The following MAP4K3 variants were observed in gnomAD, a reference collection of about 807,000 sequenced individuals.
MAP4K3 encodes mitogen-activated protein kinase kinase kinase kinase 3.
MAP4K3 carries 94 observed loss-of-function variants against 143.5 expected under a neutral mutation model. The observed-to-expected ratio is 0.65, with a 90% CI of 0.55 to 0.78. The LOEUF is 0.78. MAP4K3 is among the 30% of genes least tolerant of loss of function. The probability of loss-of-function intolerance (pLI) is 0.00; values close to 1 mark genes in which losing one functional copy is unlikely to be tolerated. For missense variants in MAP4K3, 1,077 were observed against 1,068.1 expected (o/e 1.01, Z -0.12); for synonymous variants, 416 against 347.2 (o/e 1.20, Z -2.20).
At chr2:39,300,274 G>C (rs1209811741) in intron 15 of MAP4K3, among the ~76,000 whole-genome samples, 2 of 152,150 alleles carry the variant, frequency 1.3e-5, no homozygotes, top group Non-Finnish European at 1.5e-5. Context: ...ATATGAAATT[G>C]GGTGCTATTT....
At position 39,403,691 on chromosome 2, in the gene MAP4K3, T is replaced by G. The variant is rs568311728; in HGVS notation, c.97-25568A>C. Among the ~76,000 whole-genome samples, 6 of 152,054 alleles carry G rather than the reference T, an allele frequency of 3.9e-5. No homozygotes were observed. The East Asian group carries it at 1.2e-3, about 30-fold the overall frequency. On this transcript the variant is annotated intron_variant, in intron 1 of 33. Transcript: ENST00000263881. ...GGACTGCAACTCTTAGGCAAAGTCG[T>G]AGGGCTGAGTGGGGCTTGGAGCCAG...
chr2:39,308,888 T>C (rs72801440), intron 14 of MAP4K3, among the ~76,000 whole-genome samples: 2,233 of 152,100 alleles, frequency 0.015, 29 homozygotes, highest in Non-Finnish European at 0.023. Flanking sequence ...TCTACTCTAA[T>C]GTTTGGAAAC....
intron 2 of MAP4K3, among the ~76,000 whole-genome samples, chr2:39,370,461 A>T (rs939972724): frequency 3.3e-5 from 5 of 152,230 alleles, no homozygotes; most frequent in Non-Finnish European, 7.3e-5. Context: ...ATGAAAGATA[A>T]GGAGGCAGAA....
chr2:39,342,965 A>T (rs1207844869), intron 4 of MAP4K3, among the ~76,000 whole-genome samples: 7 of 152,214 alleles, frequency 4.6e-5, no homozygotes, highest in African/African-American at 1.7e-4. Flanking sequence ...TCATTTTTGA[A>T]TCCCTCGGAA....
At chr2:39,429,856 G>C (rs1345052605) in intron 1 of MAP4K3, among the ~76,000 whole-genome samples, 1 of 152,170 alleles carries the variant, frequency 6.6e-6, no homozygotes, top group Non-Finnish European at 1.5e-5. Context: ...AGGTATTGGT[G>C]AAAGTATAGA....
intron 15 of MAP4K3, among the ~76,000 whole-genome samples, chr2:39,306,235 C>T (rs1228798062): frequency 6.6e-6 from 1 of 152,158 alleles, no homozygotes; most frequent in Non-Finnish European, 1.5e-5. Flanking sequence ...ATTGTGTTGT[C>T]TTTATTTCTG....
In MAP4K3 at chr2:39,258,568, A is replaced by G. The variant is rs1342638208; in HGVS notation, c.2328T>C (p.Val776=). 1.9e-6 allele frequency: 3 copies of G among 1,613,630 alleles called. No individual in the cohort carries two copies. Among genetic ancestry groups the G allele is most frequent in the Non-Finnish European group, 2.5e-6 (3 of 1,179,492 alleles). Residue 776 remains valine, a synonymous_variant, in exon 30 of 34, where the codon GTT becomes GTC. Transcript: ENST00000263881. Reference sequence around the variant, plus strand: ...CTCTCTCCAGTTGGGTTACATGAGTAACATTTGTCTGTGGGGTATCTACAA... The same window carrying G: ...CTCTCTCCAGTTGGGTTACATGAGTGACATTTGTCTGTGGGGTATCTACAA... The part of the protein sequence containing the change: ...FTESDTPQTN[V]THVTQLERDT...
chr2:39,272,532 C>T lies in MAP4K3; in HGVS notation c.1805G>A (p.Arg602Gln), dbSNP rs781301191. ...HETSMEQLFP[R>Q]RCTWLYVMNN... is the part of the protein sequence containing the mutation. ...CATTACATACAACCATGTACACCTT[C>T]GAGGGAATAGCTGATTAAAAAAAGG... Residue 602 changes from arginine (R) to glutamine (Q), a missense_variant, in exon 25 of 34, where the codon CGA becomes CAA. Physicochemically the swap from Arg to Gln is conservative, Grantham distance 43. Transcript: ENST00000263881. 28 of 1,612,796 alleles carry T rather than the reference C, an allele frequency of 1.7e-5. No individual in the cohort carries two copies. The highest frequency in any genetic ancestry group is 1.1e-4 in the East Asian group (5 of 44,764).
intron 3 of MAP4K3, among the ~76,000 whole-genome samples, chr2:39,353,143 T>C (rs997449806): frequency 2.0e-5 from 3 of 152,200 alleles, no homozygotes; most frequent in Admixed American, 6.5e-5. Context: ...TAATGAGACG[T>C]TGGATAGACT....
chr2:39,281,185 TA>T (rs1386360171), intron 22 of MAP4K3, among the ~76,000 whole-genome samples: 2 of 152,210 alleles, frequency 1.3e-5, no homozygotes, highest in African/African-American at 4.8e-5. Context: ...CATGTTGGCC[TA>T]AATTAAAAGA....
intron 2 of MAP4K3, among the ~76,000 whole-genome samples, chr2:39,363,485 T>C (rs1426278085): frequency 6.6e-6 from 1 of 152,074 alleles, no homozygotes. Flanking sequence ...CTGGCCAACA[T>C]GGCAAAGCCC....
chr2:39,309,548 ATTTTTTTTTTTTTTTTTTTTTTTTT>A lies in MAP4K3; in HGVS notation c.998-54_998-30del, dbSNP rs749101883. 1.7e-5 allele frequency: 5 copies of A among 294,904 alleles called. No homozygotes were observed. The African/African-American group carries it at 2.2e-4, about 13-fold the overall frequency. The allele number at this position is 294,904 out of a possible 1,614,324, so 18.3% of individuals were successfully genotyped here. ...AAAAAGAAAAAAAAGTAAAACCAGG[ATTTTTTTTTTTTTTTTTTTTTTTTT>A]TTGAGGCAGAGTCTTGCTCTGTCTC... On this transcript the variant is annotated intron_variant, in intron 13 of 33. Coordinates refer to ENST00000263881, the MANE Select transcript of MAP4K3 (RefSeq NM_003618.4).
chr2:39,325,938 CT>C lies in MAP4K3; in HGVS notation c.685del (p.Ser229AlafsTer8), dbSNP rs34876626. On this transcript the variant is annotated frameshift_variant, in exon 10 of 34. Coordinates refer to ENST00000263881, the MANE Select transcript of MAP4K3 (RefSeq NM_003618.4). LOFTEE classifies it high-confidence loss of function. ...PMRALFLMTK[S>X]NFQPPKLKDK... ...CTTTAGTTTAGGAGGCTGAAAATTG[CT>C]TTTTGTCATTAGAAATAATGCTCTG... is the stretch of plus-strand genomic sequence containing the variant. 1 of 1,595,162 alleles carries C rather than the reference CT, an allele frequency of 6.3e-7. No individual in the cohort carries two copies. The highest frequency in any genetic ancestry group is 8.6e-7 in the Non-Finnish European group (1 of 1,165,954).
At position 39,325,583 on chromosome 2, in the gene MAP4K3, G is replaced by C; in HGVS notation, c.853C>G (p.Leu285Val). ...TCTGGATTATTTACTTTATCCAACA[G>C]CTCGATTGCCAAAGACCGTGTCAAA... ...QHLTRSLAIELLDKVNNPDHS... is the reference protein window; with the variant it reads ...QHLTRSLAIEVLDKVNNPDHS... Residue 285 changes from leucine (L) to valine (V), a missense_variant, in exon 12 of 34, where the codon CTG becomes GTG. Around this residue, in one of 2 missense-constraint regions of MAP4K3, gnomAD observed 864 missense variants for 801.2 expected, o/e 1.08. Transcript: ENST00000263881. 6.2e-7 allele frequency: 1 copy of C among 1,613,208 alleles called. No homozygotes were observed. The highest frequency in any genetic ancestry group is 8.5e-7 in the Non-Finnish European group (1 of 1,179,718).
chr2:39,289,898 A>T (rs562095238), intron 19 of MAP4K3, among the ~76,000 whole-genome samples: 27 of 152,236 alleles, frequency 1.8e-4, no homozygotes, highest in Non-Finnish European at 3.2e-4. Flanking sequence ...AAGCCTGGCC[A>T]ACATGGCAAA....
chr2:39,259,553 A>T (rs1680482106), intron 29 of MAP4K3, among the ~76,000 whole-genome samples: 1 of 152,224 alleles, frequency 6.6e-6, no homozygotes, highest in Non-Finnish European at 1.5e-5. Flanking sequence ...TAAAATACTT[A>T]AAATTTCTGA....
At chr2:39,265,667 T>A (rs2148446300) in intron 27 of MAP4K3, among the ~76,000 whole-genome samples, 1 of 152,300 alleles carries the variant, frequency 6.6e-6, no homozygotes, top group South Asian at 2.1e-4. Flanking sequence ...GTTGTCAGAC[T>A]CCTAAGATAC....
chr2:39,315,540 A>G (rs1683088925), intron 12 of MAP4K3, 152 bp from the exon 13 acceptor site: 2 of 552,456 alleles, frequency 3.6e-6, no homozygotes, highest in Middle Eastern at 4.3e-4. Context: ...AAAAAAGCAA[A>G]CCACAATAGC....
chr2:39,407,500 A>G (rs952669995), intron 1 of MAP4K3, among the ~76,000 whole-genome samples: 1 of 152,250 alleles, frequency 6.6e-6, no homozygotes, highest in Non-Finnish European at 1.5e-5. Flanking sequence ...CCCAGACACC[A>G]TTAAGAAAAT....
Sources: allele counts gnomAD v4.1 joint callset (sites outside exome capture counted in the v4.1 genomes callset), GRCh38; gene constraint gnomAD v4.1.1; regional missense constraint gnomAD v4.1.1; transcripts MANE v1.5; gene names NCBI Gene and HGNC (gene_info 2026-07-23, HGNC 2026-07-21).